Variants in PLEKHO1 observed in about 807,000 individuals in gnomAD.
PLEKHO1 encodes pleckstrin homology domain-containing family O member 1.
Under a neutral mutation model 41.4 loss-of-function variants are expected in PLEKHO1, and 22 were observed. That is an observed-to-expected ratio of 0.53 (90% CI 0.38 to 0.76). The LOEUF is 0.76. Among genes scored for constraint, PLEKHO1 ranks in the 30% least tolerant of loss-of-function variants. PLEKHO1 has a pLI of 0.00. For synonymous variants in PLEKHO1, 225 were observed against 210.8 expected (o/e 1.07, Z -0.58); for missense variants, 488 against 518.3 (o/e 0.94, Z 0.57).
rs587612115 is a variant in PLEKHO1, at chr1:150,159,550, G to A, written c.*27G>A. The stretch of plus-strand genomic sequence containing the variant: ...GGCAGGGTGGGGTCTGGAACTTGTC[G>A]GGTTGGACAGACTCTTATCTCCGTG... On this transcript the variant is annotated 3_prime_UTR_variant, in exon 6 of 6. Coordinates refer to ENST00000369124, the MANE Select transcript of PLEKHO1 (RefSeq NM_016274.6). 2.5e-5 allele frequency: 36 copies of A among 1,432,338 alleles called. No homozygotes were observed. Among genetic ancestry groups the A allele is most frequent in the Non-Finnish European group, 3.0e-5 (31 of 1,048,336 alleles). The allele number at this position is 1,432,338 out of a possible 1,614,324, so 88.7% of individuals were successfully genotyped here. A position where few individuals can be genotyped will look rare whatever the true frequency, so the allele number is the denominator to read the frequency against.
In PLEKHO1 at chr1:150,150,269, G is replaced by C. The variant is rs1559957320; in HGVS notation, c.12G>C (p.Lys4Asn). 3 of 1,120,390 alleles carry C rather than the reference G, an allele frequency of 2.7e-6. No individual in the cohort carries two copies. The highest frequency in any genetic ancestry group is 3.3e-6 in the Non-Finnish European group (3 of 908,076). The allele number at this position is 1,120,390 out of a possible 1,614,324, so 69.4% of individuals were successfully genotyped here. A position where few individuals can be genotyped will look rare whatever the true frequency, so the allele number is the denominator to read the frequency against. Residue 4 changes from lysine (K) to asparagine (N), a missense_variant, in exon 1 of 6, where the codon AAG (lysine) becomes AAC (asparagine). By Grantham distance (94) the Lys-to-Asn change is moderately conservative. Around this residue, in one of 3 missense-constraint regions of PLEKHO1, gnomAD observed 92 missense variants for 82.3 expected, o/e 1.12. Coordinates refer to ENST00000369124, the MANE Select transcript of PLEKHO1 (RefSeq NM_016274.6). ...CGCGCCCGCTGGGAATGATGAAGAAGAACAATTCCGCCAAGCGGGTGAGTG... is the reference window on the plus strand; with the variant it reads ...CGCGCCCGCTGGGAATGATGAAGAACAACAATTCCGCCAAGCGGGTGAGTG... MMK[K>N]NNSAKRGPQD... is the part of the protein sequence containing the mutation.
In PLEKHO1 at chr1:150,159,529, G is replaced by C. The variant is rs368395297; in HGVS notation, c.*6G>C. 1.1e-4 allele frequency: 173 copies of C among 1,573,138 alleles called. 1 individual carries two copies. Among genetic ancestry groups the C allele is most frequent in the Non-Finnish European group, 1.4e-4 (166 of 1,153,714 alleles). On this transcript the variant is annotated 3_prime_UTR_variant, in exon 6 of 6. Transcript: ENST00000369124. Reference sequence around the variant, plus strand: ...ACCGGAAGAGCCTGATGTGAGGGCAGGGTGGGGTCTGGAACTTGTCGGGTT... The same window carrying C: ...ACCGGAAGAGCCTGATGTGAGGGCACGGTGGGGTCTGGAACTTGTCGGGTT...
chr1:150,157,049 G>T (rs191063475), intron 4 of PLEKHO1, 34 bp downstream of exon 4: 6 of 1,358,420 alleles, frequency 4.4e-6, no homozygotes, highest in Non-Finnish European at 6.3e-6. Context: ...AGGGAGGAAC[G>T]CTGGGGCAGA....
chr1:150,150,042 T>G lies in PLEKHO1; in HGVS notation c.-216T>G. The G allele has an allele frequency of 6.5e-6, 1 of 154,398 alleles. No homozygotes were observed. The highest frequency in any genetic ancestry group is 1.4e-5 in the Non-Finnish European group (1 of 71,160). The allele number at this position is 154,398 out of a possible 1,614,324, so 9.6% of individuals were successfully genotyped here. On this transcript the variant is annotated 5_prime_UTR_variant, in exon 1 of 6. Coordinates refer to ENST00000369124, the MANE Select transcript of PLEKHO1 (RefSeq NM_016274.6). ...CCAAGGGGCGGGGAGCGGGCGTGCGTGTGTGTGCGAGTGCGAATGCGAGGG... is the reference window on the plus strand; with the variant it reads ...CCAAGGGGCGGGGAGCGGGCGTGCGGGTGTGTGCGAGTGCGAATGCGAGGG...
In PLEKHO1 at chr1:150,157,025, C is replaced by A. The variant is rs782671457; in HGVS notation, c.423+10C>A. Reference sequence around the variant, plus strand: ...CCGTATCTTGGATGAGGTCAGGGGGCTCACTGTGGGGAGAGGGAGGAACGC... The same window carrying A: ...CCGTATCTTGGATGAGGTCAGGGGGATCACTGTGGGGAGAGGGAGGAACGC... On this transcript the variant is annotated intron_variant, in intron 4 of 5. Transcript: ENST00000369124. 4 of 1,554,744 alleles carry A rather than the reference C, an allele frequency of 2.6e-6. No homozygotes were observed. In the South Asian group the frequency reaches 4.4e-5, roughly 17 times the overall value.
Position 150,159,101 on chromosome 1 carries a change from G to A in PLEKHO1, c.808G>A (p.Ala270Thr), listed in dbSNP as rs146874181. The change falls in exon 6 of 6, where the codon GCC becomes ACC. Residue 270 changes from alanine to threonine, a missense_variant. Transcript: ENST00000369124. ...GACGCCCACAGAGAAAGGCCGCTGC[G>A]CCTCCCTGGAGGAGATCCTATCTCA... ...KLTPTEKGRC[A>T]SLEEILSQRD... 8.4e-5 allele frequency: 135 copies of A among 1,613,492 alleles called. No homozygotes were observed. The African/African-American group carries it at 1.6e-3, about 20-fold the overall frequency.
chr1:150,156,194 G>A lies in PLEKHO1; in HGVS notation c.306G>A (p.Gln102=), dbSNP rs782582526. Reference sequence around the variant, plus strand: ...AGTTTACTCTTGCCCACTCCAAACAGCCCGGTAACACGGTATGTTTCTCCT... The same window carrying A: ...AGTTTACTCTTGCCCACTCCAAACAACCCGGTAACACGGTATGTTTCTCCT... The part of the protein sequence containing the change: ...HSKFTLAHSK[Q]PGNTAPNLIF... Residue 102 remains glutamine (Q), a synonymous_variant, in exon 3 of 6, where the codon CAG becomes CAA. Coordinates refer to ENST00000369124, the MANE Select transcript of PLEKHO1 (RefSeq NM_016274.6). 3.1e-6 allele frequency: 5 copies of A among 1,613,636 alleles called. No homozygotes were observed. Among genetic ancestry groups the A allele is most frequent in the African/African-American group, 1.3e-5 (1 of 75,008 alleles).
In PLEKHO1 at chr1:150,156,197, C is replaced by T. The variant is rs374179008; in HGVS notation, c.309C>T (p.Pro103=). 29 of 1,613,274 alleles carry T rather than the reference C, an allele frequency of 1.8e-5. No homozygotes were observed. Among genetic ancestry groups the T allele is most frequent in the Admixed American group, 8.3e-5 (5 of 59,946 alleles). Residue 103 remains proline (P), a synonymous_variant, in exon 3 of 6, where the codon CCC becomes CCT. Transcript: ENST00000369124. Reference sequence around the variant, plus strand: ...TTACTCTTGCCCACTCCAAACAGCCCGGTAACACGGTATGTTTCTCCTGCC... The same window carrying T: ...TTACTCTTGCCCACTCCAAACAGCCTGGTAACACGGTATGTTTCTCCTGCC... The part of the protein sequence containing the change: ...SKFTLAHSKQ[P]GNTAPNLIFL...
intron 1 of PLEKHO1, among the ~76,000 whole-genome samples, 160 bp downstream of exon 1, chr1:150,150,447 G>A (rs1659851229): frequency 6.6e-6 from 1 of 150,742 alleles, no homozygotes; most frequent in African/African-American, 2.4e-5. Flanking sequence ...GCCCGCGGGG[G>A]CTTTTGTTTG....
Position 150,158,890 on chromosome 1 carries a change from A to T in PLEKHO1, c.597A>T (p.Glu199Asp), listed in dbSNP as rs1553821130. Residue 199 changes from glutamate (E) to aspartate (D), a missense_variant, in exon 6 of 6, where the codon GAA becomes GAT. By Grantham distance (45) the Glu-to-Asp change is conservative. This residue lies in a region of PLEKHO1 where 337 missense variants were observed against 324.6 expected (regional missense o/e 1.04). Transcript: ENST00000369124. Reference protein sequence around the residue: ...LIQEEDPSPEEPTSCAESFRV... With the variant: ...LIQEEDPSPEDPTSCAESFRV... ...AAGAGGAAGACCCTTCCCCTGAGGA[A>T]CCAACCTCTTGTGCTGAGAGCTTTC... 1 of 1,614,094 alleles carries T rather than the reference A, an allele frequency of 6.2e-7. No individual in the cohort carries two copies. Among genetic ancestry groups the T allele is most frequent in the Admixed American group, 1.7e-5 (1 of 60,012 alleles).
chr1:150,150,383 C>T (rs587656132), intron 1 of PLEKHO1, 96 bp downstream of exon 1: 2 of 501,912 alleles, frequency 4.0e-6, no homozygotes, highest in African/African-American at 2.2e-5. Context: ...ACCCACGGCC[C>T]GGCCGCGCCC....
At position 150,157,079 on chromosome 1, in the gene PLEKHO1, T is replaced by C; in HGVS notation, c.423+64T>C. The C allele has an allele frequency of 3.8e-6, 4 of 1,046,934 alleles. No homozygotes were observed. The South Asian group carries it at 5.1e-5, about 13-fold the overall frequency. 64.9% of individuals were successfully genotyped at this position (1,046,934 alleles called of 1,614,324 possible). On this transcript the variant is annotated intron_variant, in intron 4 of 5. Coordinates refer to ENST00000369124, the MANE Select transcript of PLEKHO1 (RefSeq NM_016274.6). ...GGCAGAGGGAACAGCTGTGACCCAC[T>C]GAAGGGGGAGGATTGTGCAGGCCCC...
At position 150,150,123 on chromosome 1, in the gene PLEKHO1, AG is replaced by A; in HGVS notation, c.-132del. On this transcript the variant is annotated 5_prime_UTR_variant, in exon 1 of 6. Transcript: ENST00000369124. ...AAGAAGGGGAGAGTCCGGGAGCGGG[AG>A]GGCGCGAGGGAGGAGCGGCGGCGCC... The A allele has an allele frequency of 9.4e-5, 20 of 212,554 alleles. No homozygotes were observed. The highest frequency in any genetic ancestry group is 1.6e-4 in the Non-Finnish European group (20 of 122,530). The allele number at this position is 212,554 out of a possible 1,614,324, so 13.2% of individuals were successfully genotyped here. A position where few individuals can be genotyped will look rare whatever the true frequency, so the allele number is the denominator to read the frequency against.
At chr1:150,152,448 G>A (rs1659977337) in intron 2 of PLEKHO1, among the ~76,000 whole-genome samples, 1 of 151,904 alleles carries the variant, frequency 6.6e-6, no homozygotes, top group Non-Finnish European at 1.5e-5. Flanking sequence ...ACTACAGGTG[G>A]GTGCCACCAT....
Position 150,150,221 on chromosome 1 carries a change from C to A in PLEKHO1, c.-37C>A. 9.7e-7 allele frequency: 1 copy of A among 1,035,776 alleles called. No individual in the cohort carries two copies. The highest frequency in any genetic ancestry group is 1.2e-6 in the Non-Finnish European group (1 of 861,140). 64.2% of individuals were successfully genotyped at this position (1,035,776 alleles called of 1,614,324 possible). A position where few individuals can be genotyped will look rare whatever the true frequency, so the allele number is the denominator to read the frequency against. On this transcript the variant is annotated 5_prime_UTR_variant, in exon 1 of 6. Transcript: ENST00000369124. Reference sequence around the variant, plus strand: ...CGCCGAGGCCCCGACGCGGGGCCGCCCCTCGGCTCGCCGCCCCGCGCCCGC... The same window carrying A: ...CGCCGAGGCCCCGACGCGGGGCCGCACCTCGGCTCGCCGCCCCGCGCCCGC...
chr1:150,154,278 T>A (rs1553819847), intron 2 of PLEKHO1: 1 of 152,280 alleles, frequency 6.6e-6, no homozygotes, highest in Non-Finnish European at 1.5e-5. Context: ...TGTCCCGTGT[T>A]TCTGGGAATT....
At position 150,150,059 on chromosome 1, in the gene PLEKHO1, A is replaced by C; in HGVS notation, c.-199A>C. 4 of 157,358 alleles carry C rather than the reference A, an allele frequency of 2.5e-5. No homozygotes were observed. Among genetic ancestry groups the C allele is most frequent in the Non-Finnish European group, 2.7e-5 (2 of 73,192 alleles). The allele number at this position is 157,358 out of a possible 1,614,324, so 9.7% of individuals were successfully genotyped here. A position where few individuals can be genotyped will look rare whatever the true frequency, so the allele number is the denominator to read the frequency against. On this transcript the variant is annotated 5_prime_UTR_variant, in exon 1 of 6. The change abolishes an upstream ATG in the 5' untranslated region. Transcript: ENST00000369124. ...GGCGTGCGTGTGTGTGCGAGTGCGA[A>C]TGCGAGGGAGGCCGGCCTTGAGTGA...
At chr1:150,151,136 C>A in intron 2 of PLEKHO1, 78 bp downstream of exon 2, 1 of 1,532,508 alleles carries the variant, frequency 6.5e-7, no homozygotes, top group Non-Finnish European at 9.0e-7. Context: ...GCCTAGCTTA[C>A]TCCACCCCCG....
Position 150,150,225 on chromosome 1 carries a change from C to T in PLEKHO1, c.-33C>T, listed in dbSNP as rs1168217769. On this transcript the variant is annotated 5_prime_UTR_variant, in exon 1 of 6. Transcript: ENST00000369124. ...GAGGCCCCGACGCGGGGCCGCCCCT[C>T]GGCTCGCCGCCCCGCGCCCGCGCCC... 17 of 1,039,504 alleles carry T rather than the reference C, an allele frequency of 1.6e-5. No homozygotes were observed. Among genetic ancestry groups the T allele is most frequent in the Non-Finnish European group, 2.0e-5 (17 of 863,482 alleles). The allele number at this position is 1,039,504 out of a possible 1,614,324, so 64.4% of individuals were successfully genotyped here.
Sources: allele counts gnomAD v4.1 joint callset (sites outside exome capture counted in the v4.1 genomes callset), GRCh38; gene constraint gnomAD v4.1.1; regional missense constraint gnomAD v4.1.1; transcripts MANE v1.5; gene names NCBI Gene and HGNC (gene_info 2026-07-23, HGNC 2026-07-21).